CMTM4: variants seen among roughly 807,000 people sequenced by gnomAD.
CMTM4 encodes CKLF like MARVEL transmembrane domain containing 4.
Under a neutral mutation model 19.0 loss-of-function variants are expected in CMTM4, and 8 were observed. The ratio of observed to expected loss-of-function variants is 0.42; its 90% CI spans 0.25 to 0.76. The LOEUF is 0.76. CMTM4 is among the 30% of genes least tolerant of loss of function. The pLI is 0.27. For missense variants in CMTM4, 228 were observed against 290.2 expected, an observed-to-expected ratio of 0.79 and a Z score of 1.56; for synonymous variants, 106 against 121.1, an observed-to-expected ratio of 0.88 and a Z score of 0.82.
intron 1 of CMTM4, among the ~76,000 whole-genome samples, chr16:66,651,010 A>G (rs1471997674): frequency 1.3e-5 from 2 of 152,186 alleles, no homozygotes; most frequent in African/African-American, 4.8e-5. Flanking sequence ...TCCTGCCAAT[A>G]CTGAAAAAAT....
At position 66,617,381 on chromosome 16, in the gene CMTM4, A is replaced by G. The variant is rs370982322; in HGVS notation, c.*4677T>C. Reference sequence around the variant, plus strand: ...AAACTAGAAAGGAAAAAAAAATCCCAAAGGTTGAAAAACTGTATCCAAATG... The same window carrying G: ...AAACTAGAAAGGAAAAAAAAATCCCGAAGGTTGAAAAACTGTATCCAAATG... On this transcript the variant is annotated 3_prime_UTR_variant, in exon 4 of 4. Transcript: ENST00000394106. 239 of 1,609,670 alleles carry G rather than the reference A, an allele frequency of 1.5e-4. No individual in the cohort carries two copies. Among genetic ancestry groups the G allele is most frequent in the East Asian group, 2.2e-4 (10 of 44,844 alleles).
In CMTM4 at chr16:66,677,426, T is replaced by C. The variant is rs545451241; in HGVS notation, c.186+18914A>G. On this transcript the variant is annotated intron_variant, in intron 1 of 3. Coordinates refer to ENST00000394106, the MANE Select transcript of CMTM4 (RefSeq NM_181521.3). ...GCCTTGCAGCAGCAGCGTGTTATTG[T>C]GGGGAACAAGAGCTTCCAGCCAGGC... Among the ~76,000 whole-genome samples the C allele has an allele frequency of 7.9e-5, 12 of 152,292 alleles. 1 individual carries two copies. The South Asian group carries it at 2.5e-3, about 32-fold the overall frequency.
At chr16:66,668,294 C>T (rs1242601333) in intron 1 of CMTM4, among the ~76,000 whole-genome samples, 3 of 152,074 alleles carry the variant, frequency 2.0e-5, no homozygotes, top group African/African-American at 7.2e-5. Flanking sequence ...CAGGCATGAA[C>T]CACCATGCCC....
chr16:66,601,846 G>A, the CMTM4 span, among the ~76,000 whole-genome samples: 1 of 152,218 alleles, frequency 6.6e-6, no homozygotes, highest in Non-Finnish European at 1.5e-5. Flanking sequence ...TGTGGTTTGG[G>A]CAGCTGTAGC....
At chr16:66,673,071 ATTTTTTT>A (rs758565705) in intron 1 of CMTM4, among the ~76,000 whole-genome samples, 202 of 86,748 alleles carry the variant, frequency 2.3e-3, no homozygotes, top group South Asian at 0.011. Context: ...CACCACACCA[ATTTTTTT>A]TTTTTTTTTT....
At chr16:66,650,498 C>T (rs2016290540) in intron 1 of CMTM4, among the ~76,000 whole-genome samples, 1 of 152,178 alleles carries the variant, frequency 6.6e-6, no homozygotes, top group South Asian at 2.1e-4. Flanking sequence ...TCCAAATGGA[C>T]ACAAGTGTGG....
intron 1 of CMTM4, among the ~76,000 whole-genome samples, chr16:66,647,236 A>C (rs1459107329): frequency 6.6e-6 from 1 of 151,158 alleles, no homozygotes; most frequent in Non-Finnish European, 1.5e-5. Context: ...AGGCAGGAGA[A>C]TCGCTTGAAA....
intron 2 of CMTM4, among the ~76,000 whole-genome samples, chr16:66,624,597 T>C (rs1233326878): frequency 6.6e-6 from 1 of 152,172 alleles, no homozygotes; most frequent in African/African-American, 2.4e-5. Flanking sequence ...TGAAACCCCA[T>C]CTCTACTAAA....
chr16:66,627,312 G>T (rs2015762397), intron 2 of CMTM4, among the ~76,000 whole-genome samples: 1 of 152,128 alleles, frequency 6.6e-6, no homozygotes, highest in Non-Finnish European at 1.5e-5. Flanking sequence ...CCATTTTTCT[G>T]CACTCACATA....
chr16:66,669,483 A>T (rs1325878229), intron 1 of CMTM4, among the ~76,000 whole-genome samples: 1 of 151,990 alleles, frequency 6.6e-6, no homozygotes, highest in East Asian at 1.9e-4. Flanking sequence ...AAAAAAAAAA[A>T]AGAGCATGTG....
At chr16:66,685,796 A>C (rs1443739214) in intron 1 of CMTM4, among the ~76,000 whole-genome samples, 1 of 152,076 alleles carries the variant, frequency 6.6e-6, no homozygotes, top group Non-Finnish European at 1.5e-5. Context: ...GGCATAGGCC[A>C]CCACACCCGG....
At chr16:66,652,370 A>T (rs959239785) in intron 1 of CMTM4, among the ~76,000 whole-genome samples, 1 of 152,190 alleles carries the variant, frequency 6.6e-6, no homozygotes, top group Non-Finnish European at 1.5e-5. Context: ...CTGAGGACAG[A>T]AGCATTGGGT....
chr16:66,661,806 G>A (rs1253819665), intron 1 of CMTM4, among the ~76,000 whole-genome samples: 1 of 152,084 alleles, frequency 6.6e-6, no homozygotes, highest in Non-Finnish European at 1.5e-5. Flanking sequence ...AGTGGTGCAT[G>A]CCTGTAATTC....
intron 2 of CMTM4, among the ~76,000 whole-genome samples, chr16:66,629,535 T>G (rs925387616): frequency 3.0e-4 from 45 of 152,212 alleles, no homozygotes; most frequent in Admixed American, 2.8e-3. Context: ...AAATATTTAA[T>G]CAAATCCTTG....
intron 1 of CMTM4, among the ~76,000 whole-genome samples, chr16:66,687,773 C>T (rs911527421): frequency 1.3e-5 from 2 of 151,254 alleles, no homozygotes; most frequent in Admixed American, 6.6e-5. Context: ...CTGCAAGCTC[C>T]GCCTCCTGGG....
At chr16:66,677,318 G>A (rs4559898) in intron 1 of CMTM4, among the ~76,000 whole-genome samples, 6,438 of 152,342 alleles carry the variant, frequency 0.042, 257 homozygotes, top group East Asian at 0.15. Context: ...GGGCAGGGAA[G>A]TAGGGAAGGG....
intron 1 of CMTM4, among the ~76,000 whole-genome samples, chr16:66,675,757 G>A (rs1010359379): frequency 3.9e-5 from 6 of 152,078 alleles, no homozygotes; most frequent in African/African-American, 9.7e-5. Context: ...CTCCACCAGC[G>A]CCACACACTG....
At chr16:66,680,387 G>A (rs915816356) in intron 1 of CMTM4, among the ~76,000 whole-genome samples, 22 of 151,526 alleles carry the variant, frequency 1.5e-4, no homozygotes, top group Admixed American at 7.9e-4. Context: ...GCTGAGGCCC[G>A]AGAATTGCTT....
intron 1 of CMTM4, among the ~76,000 whole-genome samples, chr16:66,695,761 TAGA>T (rs1350936804): frequency 1.3e-5 from 2 of 152,190 alleles, no homozygotes; most frequent in Non-Finnish European, 2.9e-5. Flanking sequence ...TCTTCTTGGT[TAGA>T]AGGACACAAA....
Sources: allele counts gnomAD v4.1 joint callset (sites outside exome capture counted in the v4.1 genomes callset), GRCh38; gene constraint gnomAD v4.1.1; transcripts MANE v1.5; gene names NCBI Gene and HGNC (gene_info 2026-07-23, HGNC 2026-07-21).